The following STRN3 variants were observed in gnomAD, a reference collection of about 807,000 sequenced individuals.
STRN3 encodes striatin 3, also known as striatin-3.
A neutral mutation model predicts 95.6 loss-of-function variants in STRN3; 29 were observed. That is an observed-to-expected ratio of 0.30 (90% CI 0.23 to 0.41). The LOEUF is 0.41. STRN3 is among the 10% of genes least tolerant of loss of function. The pLI, the probability that STRN3 is intolerant of heterozygous loss-of-function variation, is 1.00. For missense variants in STRN3, 890 were observed against 972.1 expected, an observed-to-expected ratio of 0.92 and a Z score of 1.12; for synonymous variants, 331 against 357.6, an observed-to-expected ratio of 0.93 and a Z score of 0.84.
rs543399158 is a variant in STRN3 at position 30,983,592 on chromosome 14, G to A, written c.283-27350C>T. On this transcript the variant is annotated intron_variant, in intron 1 of 17. Transcript: ENST00000357479. ...GCAAAGATGTTTTTTCATGTGTAAA[G>A]GGAGAATTCACTTTGATCAAATAAA... is the stretch of plus-strand genomic sequence containing the variant. Among the ~76,000 whole-genome samples the A allele has an allele frequency of 3.9e-5, 6 of 152,272 alleles. No individual in the cohort carries two copies. In the South Asian group the frequency reaches 1.2e-3, roughly 32 times the overall value.
chr14:30,928,191 AACCCCCAAAACTTC>A (rs1878289729), intron 8 of STRN3, among the ~76,000 whole-genome samples: 1 of 152,174 alleles, frequency 6.6e-6, no homozygotes, highest in Admixed American at 6.6e-5. Context: ...TAACAGGTGA[AACCCCCAAAACTTC>A]ACTTATTAGC....
intron 9 of STRN3, among the ~76,000 whole-genome samples, 157 bp downstream of exon 9, chr14:30,918,809 C>T (rs1896807494): frequency 6.6e-6 from 1 of 151,844 alleles, no homozygotes; most frequent in Non-Finnish European, 1.5e-5. Context: ...TGTCAAAATC[C>T]CTAAATTAGT....
At chr14:31,022,696 A>G (rs1883559511) in intron 1 of STRN3, among the ~76,000 whole-genome samples, 1 of 151,870 alleles carries the variant, frequency 6.6e-6, no homozygotes, top group Non-Finnish European at 1.5e-5. Flanking sequence ...TGGTTACAAG[A>G]GTGGTAACAT....
intron 1 of STRN3, among the ~76,000 whole-genome samples, chr14:31,005,166 T>C (rs762495306): frequency 1.3e-5 from 2 of 152,096 alleles, no homozygotes; most frequent in Non-Finnish European, 2.9e-5. Context: ...ACCCCATCTC[T>C]ACTAAAAATA....
In STRN3 at chr14:30,935,060, C is replaced by G. The variant is rs150772022; in HGVS notation, c.988+103G>C. On this transcript the variant is annotated intron_variant, in intron 7 of 17. Coordinates refer to ENST00000357479, the MANE Select transcript of STRN3 (RefSeq NM_001083893.2). ...CCACTTCCCCTTGCTCTCCGTTTAA[C>G]TGCCACCATATATTTATACACACAT... The G allele has an allele frequency of 1.0e-3, 1,461 of 1,421,864 alleles. 16 individuals are homozygous for G. The East Asian group carries it at 0.028, about 27-fold the overall frequency. 88.1% of individuals were successfully genotyped at this position (1,421,864 alleles called of 1,614,324 possible).
intron 15 of STRN3, 85 bp from the exon 16 acceptor site, chr14:30,902,728 T>C (rs575932260): frequency 9.5e-6 from 8 of 839,486 alleles, no homozygotes; most frequent in Admixed American, 9.0e-5. Flanking sequence ...TGCTAAAATA[T>C]AAAAATCATT....
At chr14:30,979,436 A>T (rs1881277436) in intron 1 of STRN3, among the ~76,000 whole-genome samples, 1 of 152,112 alleles carries the variant, frequency 6.6e-6, no homozygotes, top group Non-Finnish European at 1.5e-5. Flanking sequence ...TAATTACTTG[A>T]TCTGAAGTGT....
At chr14:30,906,157 C>G (rs970658132) in intron 14 of STRN3, among the ~76,000 whole-genome samples, 1 of 152,174 alleles carries the variant, frequency 6.6e-6, no homozygotes, top group African/African-American at 2.4e-5. Flanking sequence ...AAGCTATTAA[C>G]TATCTAGATG....
intron 1 of STRN3, among the ~76,000 whole-genome samples, chr14:31,000,991 T>C (rs1213645110): frequency 6.6e-6 from 1 of 152,160 alleles, no homozygotes; most frequent in Non-Finnish European, 1.5e-5. Context: ...TAGGGTTCTA[T>C]TGTCTCCGTT....
At chr14:30,927,930 CAAAAA>C (rs56216107) in intron 8 of STRN3, among the ~76,000 whole-genome samples, 7 of 85,068 alleles carry the variant, frequency 8.2e-5, no homozygotes, top group African/African-American at 8.9e-5. Context: ...GAGACTCCGT[CAAAAA>C]AAAAAAAAAA....
chr14:30,999,697 C>T (rs1250641427), intron 1 of STRN3, among the ~76,000 whole-genome samples: 1 of 151,926 alleles, frequency 6.6e-6, no homozygotes, highest in Admixed American at 6.6e-5. Context: ...ATTAAGTATA[C>T]CAACATATGC....
At chr14:31,007,419 G>A (rs556310367) in intron 1 of STRN3, among the ~76,000 whole-genome samples, 24 of 152,140 alleles carry the variant, frequency 1.6e-4, no homozygotes, top group African/African-American at 5.1e-4. Context: ...TACATACCTA[G>A]AAAACTAGGC....
chr14:30,956,069 A>T, intron 2 of STRN3, 70 bp downstream of exon 2: 1 of 1,328,600 alleles, frequency 7.5e-7, no homozygotes, highest in Non-Finnish European at 1.1e-6. Context: ...TGCCAAATAC[A>T]GAGTACAATG....
intron 5 of STRN3, among the ~76,000 whole-genome samples, chr14:30,939,322 T>C (rs557017630): frequency 6.6e-6 from 1 of 152,190 alleles, no homozygotes; most frequent in Non-Finnish European, 1.5e-5. Flanking sequence ...CAGTGGAGAA[T>C]TGTCTCTAAA....
intron 15 of STRN3, among the ~76,000 whole-genome samples, chr14:30,904,227 A>C (rs1253684062): frequency 1.3e-5 from 2 of 152,332 alleles, no homozygotes; most frequent in Middle Eastern, 6.8e-3. Context: ...AGATCTTGTC[A>C]TATGTCATAT....
intron 16 of STRN3, among the ~76,000 whole-genome samples, chr14:30,901,021 C>T (rs767626631): frequency 1.3e-5 from 2 of 152,084 alleles, no homozygotes; most frequent in Non-Finnish European, 2.9e-5. Context: ...TGTAAATCTT[C>T]AATAATTAAT....
chr14:30,894,704 A>G lies in STRN3; in HGVS notation c.*707T>C. 5.7e-6 allele frequency: 1 copy of G among 174,348 alleles called. No homozygotes were observed. Among genetic ancestry groups the G allele is most frequent in the Non-Finnish European group, 1.2e-5 (1 of 82,262 alleles). 10.8% of individuals were successfully genotyped at this position (174,348 alleles called of 1,614,324 possible). A position where few individuals can be genotyped will look rare whatever the true frequency, so the allele number is the denominator to read the frequency against. On this transcript the variant is annotated 3_prime_UTR_variant, in exon 18 of 18. Transcript: ENST00000357479. ...CTGTATTAGGCAAAAGAAGGAAAGA[A>G]AGTGGTTACAGGGCAACGGGTCAGT...
At chr14:30,957,022 A>G (rs990784847) in intron 1 of STRN3, among the ~76,000 whole-genome samples, 1 of 151,988 alleles carries the variant, frequency 6.6e-6, no homozygotes, top group Non-Finnish European at 1.5e-5. Context: ...GTTGTGCATG[A>G]TGGCAGGTGC....
intron 1 of STRN3, among the ~76,000 whole-genome samples, chr14:31,006,982 T>C (rs1336147213): frequency 1.3e-5 from 2 of 152,162 alleles, no homozygotes; most frequent in Non-Finnish European, 2.9e-5. Flanking sequence ...AGTGAGACCC[T>C]GTCTCTAAAA....
Sources: gnomAD v4.1 joint callset for allele counts (sites outside exome capture counted in the v4.1 genomes callset) on GRCh38, gnomAD v4.1.1 for gene constraint, MANE v1.5 for transcripts, NCBI Gene and HGNC (gene_info 2026-07-23, HGNC 2026-07-21) for gene names.